Variants in NEGR1 observed in about 807,000 individuals in gnomAD.
NEGR1 encodes the protein IgLON family member 4.
NEGR1 carries 10 observed loss-of-function variants against 40.9 expected under a neutral mutation model. That is an observed-to-expected ratio of 0.24 (90% confidence interval 0.15 to 0.42). NEGR1 has a LOEUF of 0.42. NEGR1 is among the 10% of genes least tolerant of loss of function. NEGR1 has a pLI of 1.00. For synonymous variants in NEGR1, 185 were observed against 166.8 expected (o/e 1.11, Z -0.84); for missense variants, 352 against 438.9 (o/e 0.80, Z 1.77).
chr1:71,752,216 T>A (rs2101688850), intron 3 of NEGR1, among the ~76,000 whole-genome samples: 1 of 152,316 alleles, frequency 6.6e-6, no homozygotes, highest in South Asian at 2.1e-4. Flanking sequence ...ACTAAGCTTT[T>A]TTTGTAAAAT....
At chr1:71,999,075 A>C (rs909657733) in intron 1 of NEGR1, among the ~76,000 whole-genome samples, 2 of 151,930 alleles carry the variant, frequency 1.3e-5, no homozygotes, top group African/African-American at 2.4e-5. Context: ...AAACACACAA[A>C]TGCCAGGCTT....
intron 2 of NEGR1, among the ~76,000 whole-genome samples, chr1:71,793,948 G>A (rs577787278): frequency 6.6e-6 from 1 of 152,220 alleles, no homozygotes; most frequent in South Asian, 2.1e-4. Context: ...ATCTGTAATT[G>A]TGAAATGTGA....
At chr1:71,874,817 T>A (rs2101836646) in intron 2 of NEGR1, among the ~76,000 whole-genome samples, 2 of 152,244 alleles carry the variant, frequency 1.3e-5, no homozygotes, top group Admixed American at 1.3e-4. Flanking sequence ...AGGAAACTTT[T>A]CGGTTTCCAC....
intron 1 of NEGR1, among the ~76,000 whole-genome samples, chr1:72,192,874 T>C (rs1200466237): frequency 1.3e-5 from 2 of 151,906 alleles, no homozygotes; most frequent in African/African-American, 2.4e-5. Flanking sequence ...TTTCTATGTG[T>C]AATACTTATA....
chr1:72,175,065 C>A (rs1278463582), intron 1 of NEGR1, among the ~76,000 whole-genome samples: 1 of 151,990 alleles, frequency 6.6e-6, no homozygotes, highest in African/African-American at 2.4e-5. Flanking sequence ...GTGCTGCACC[C>A]ATTAACTCGT....
chr1:72,023,894 G>A (rs1646782262), intron 1 of NEGR1, among the ~76,000 whole-genome samples: 1 of 152,056 alleles, frequency 6.6e-6, no homozygotes, highest in Non-Finnish European at 1.5e-5. Context: ...ACACTGTACT[G>A]TTTAAACAAA....
At chr1:71,461,929 G>T (rs1646717050) in intron 6 of NEGR1, 1 of 152,164 alleles carries the variant, frequency 6.6e-6, no homozygotes, top group South Asian at 2.1e-4. Flanking sequence ...TCTTAAAGTG[G>T]TCAGTCAACA....
At chr1:72,122,986 T>G (rs17588812) in intron 1 of NEGR1, among the ~76,000 whole-genome samples, 1 of 151,950 alleles carries the variant, frequency 6.6e-6, no homozygotes, top group African/African-American at 2.4e-5. Flanking sequence ...ATTGAGAACA[T>G]GTAACATTCC....
At chr1:71,503,331 A>G (rs1390253964) in intron 6 of NEGR1, among the ~76,000 whole-genome samples, 3 of 151,990 alleles carry the variant, frequency 2.0e-5, no homozygotes, top group Admixed American at 6.5e-5. Flanking sequence ...CCCCCATGTT[A>G]CCTATCAAAG....
intron 1 of NEGR1, among the ~76,000 whole-genome samples, chr1:71,962,671 C>T (rs1646175282): frequency 6.6e-6 from 1 of 151,832 alleles, no homozygotes; most frequent in Non-Finnish European, 1.5e-5. Context: ...TTTACAAATG[C>T]TAATTTAGAA....
intron 1 of NEGR1, among the ~76,000 whole-genome samples, chr1:72,205,241 C>CGA (rs901943452): frequency 6.6e-6 from 1 of 151,972 alleles, no homozygotes; most frequent in African/African-American, 2.4e-5. Context: ...GTTACTCCTC[C>CGA]ATTCTTACCC....
chr1:71,595,912 CA>C (rs533706597), intron 5 of NEGR1, among the ~76,000 whole-genome samples: 4 of 151,968 alleles, frequency 2.6e-5, no homozygotes, highest in Non-Finnish European at 5.9e-5. Flanking sequence ...TTTTTCTTTA[CA>C]AAATTGATTT....
chr1:72,127,463 CAAAAAAAA>C (rs56301492), intron 1 of NEGR1, among the ~76,000 whole-genome samples: 6 of 39,292 alleles, frequency 1.5e-4, no homozygotes, highest in Admixed American at 1.1e-3. Flanking sequence ...GGCTCTGTCT[CAAAAAAAA>C]AAAAAAAAAA....
intron 6 of NEGR1, among the ~76,000 whole-genome samples, chr1:71,450,078 C>T (rs554851891): frequency 4.6e-5 from 7 of 151,712 alleles, no homozygotes; most frequent in Admixed American, 2.6e-4. Context: ...GCAACCTCCA[C>T]CTCCTGGGTT....
At chr1:71,843,120 T>C (rs538995321) in intron 2 of NEGR1, among the ~76,000 whole-genome samples, 1 of 152,262 alleles carries the variant, frequency 6.6e-6, no homozygotes, top group East Asian at 1.9e-4. Context: ...TGAATGTCGT[T>C]ATAGTGCCCA....
rs371190446 is a variant in NEGR1, at chr1:71,445,307, T to A, written c.941-37737A>T. The stretch of plus-strand genomic sequence containing the variant: ...AGAACACAAGCTCAATGCTTTTTTT[T>A]TTAAAAAAAAAATAGCTTACACTGT... On this transcript the variant is annotated intron_variant, in intron 6 of 6. Transcript: ENST00000357731. Among the ~76,000 whole-genome samples, 871 of 146,240 alleles carry A rather than the reference T, an allele frequency of 6.0e-3. 1 individual carries two copies. The highest frequency in any genetic ancestry group is 0.012 in the East Asian group (60 of 5,016).
chr1:72,209,372 C>T (rs1386796622), intron 1 of NEGR1, among the ~76,000 whole-genome samples: 1 of 151,584 alleles, frequency 6.6e-6, no homozygotes, highest in African/African-American at 2.4e-5. Context: ...TTTCTAATAT[C>T]AGTGCCATTT....
intron 1 of NEGR1, among the ~76,000 whole-genome samples, chr1:72,026,090 G>A (rs1452656261): frequency 1.8e-5 from 2 of 109,002 alleles, no homozygotes; most frequent in Non-Finnish European, 3.4e-5. Context: ...CAGCCTGGGC[G>A]ACAGAGCGAG....
At chr1:72,041,888 A>AT (rs1646958174) in intron 1 of NEGR1, among the ~76,000 whole-genome samples, 1 of 143,140 alleles carries the variant, frequency 7.0e-6, no homozygotes, top group African/African-American at 2.5e-5. Flanking sequence ...TTTACATATA[A>AT]ATATATATTT....
Sources: gnomAD v4.1 joint callset for allele counts (sites outside exome capture counted in the v4.1 genomes callset) on GRCh38, gnomAD v4.1.1 for gene constraint, MANE v1.5 for transcripts, NCBI Gene and HGNC (gene_info 2026-07-23, HGNC 2026-07-21) for gene names.